FBXO22: variants seen among roughly 807,000 people sequenced by gnomAD.
FBXO22 encodes the protein F-box only protein 22.
A neutral mutation model predicts 37.2 loss-of-function variants in FBXO22; 13 were observed. The ratio of observed to expected loss-of-function variants is 0.35; its 90% CI spans 0.23 to 0.56. The LOEUF is 0.56. Among genes scored for constraint, FBXO22 ranks in the 20% least tolerant of loss-of-function variants. FBXO22 has a pLI of 0.87. For missense variants in FBXO22, 446 were observed against 509.9 expected, an observed-to-expected ratio of 0.87 and a Z score of 1.21; for synonymous variants, 189 against 189.1, an observed-to-expected ratio of 1.00 and a Z score of 0.00.
chr15:75,907,304 T>C (rs1364866468), intron 2 of FBXO22, among the ~76,000 whole-genome samples: 2 of 152,242 alleles, frequency 1.3e-5, no homozygotes, highest in Non-Finnish European at 2.9e-5. Flanking sequence ...TATAGAGTTG[T>C]TGTGAGGATT....
intron 2 of FBXO22, 47 bp from the exon 3 acceptor site, chr15:75,913,156 T>G (rs776811831): frequency 7.8e-7 from 1 of 1,289,092 alleles, no homozygotes; most frequent in Admixed American, 1.7e-5. Context: ...GCAGAAGCAC[T>G]GATGGATTCA....
chr15:75,913,702 A>G (rs1390731452), intron 3 of FBXO22, among the ~76,000 whole-genome samples: 2 of 152,220 alleles, frequency 1.3e-5, no homozygotes, highest in Non-Finnish European at 2.9e-5. Context: ...CAAGATGCGC[A>G]CACTCAGGTC....
Position 75,940,242 on chromosome 15 carries a change from C to T in FBXO22, c.*7140C>T, listed in dbSNP as rs1229010932. On this transcript the variant is annotated 3_prime_UTR_variant, in exon 7 of 7. Transcript: ENST00000308275. ...AAATTACAAGAACAGTCCCATTTAC[C>T]ATAGCGTCAAAAAGAATAAAATGCA... The T allele has an allele frequency of 1.3e-5, 2 of 152,102 alleles. No homozygotes were observed. The highest frequency in any genetic ancestry group is 4.8e-5 in the African/African-American group (2 of 41,532). The allele number at this position is 152,102 out of a possible 1,614,324, so 9.4% of individuals were successfully genotyped here. A position where few individuals can be genotyped will look rare whatever the true frequency, so the allele number is the denominator to read the frequency against.
chr15:75,939,642 T>C lies in FBXO22; in HGVS notation c.*6540T>C, dbSNP rs980859716. 4 of 152,140 alleles carry C rather than the reference T, an allele frequency of 2.6e-5. No individual in the cohort carries two copies. Among genetic ancestry groups the C allele is most frequent in the African/African-American group, 7.2e-5 (3 of 41,448 alleles). 9.4% of individuals were successfully genotyped at this position (152,140 alleles called of 1,614,324 possible). On this transcript the variant is annotated 3_prime_UTR_variant, in exon 7 of 7. Coordinates refer to ENST00000308275, the MANE Select transcript of FBXO22 (RefSeq NM_147188.3). ...TGATCGCTGATTCAACAATTGTCAA[T>C]ACTAGGAAACTGAATTTAGCAGCAT...
Position 75,935,796 on chromosome 15 carries a change from C to G in FBXO22, c.*2694C>G, listed in dbSNP as rs888552628. Reference sequence around the variant, plus strand: ...AAACTTTTACAAATCTGAGAACTTTCTTTTTTTTTGAGACGGAGTCCCGCT... The same window carrying G: ...AAACTTTTACAAATCTGAGAACTTTGTTTTTTTTTGAGACGGAGTCCCGCT... On this transcript the variant is annotated 3_prime_UTR_variant, in exon 7 of 7. Coordinates refer to ENST00000308275, the MANE Select transcript of FBXO22 (RefSeq NM_147188.3). 6.6e-6 allele frequency: 1 copy of G among 151,102 alleles called. No individual in the cohort carries two copies. Among genetic ancestry groups the G allele is most frequent in the Non-Finnish European group, 1.5e-5 (1 of 67,758 alleles). The allele number at this position is 151,102 out of a possible 1,614,324, so 9.4% of individuals were successfully genotyped here. A position where few individuals can be genotyped will look rare whatever the true frequency, so the allele number is the denominator to read the frequency against.
chr15:75,931,760 T>TA (rs2030026279), intron 6 of FBXO22, among the ~76,000 whole-genome samples: 1 of 152,138 alleles, frequency 6.6e-6, no homozygotes, highest in African/African-American at 2.4e-5. Context: ...TTTCATTTTT[T>TA]AAAAAAACCA....
At chr15:75,914,692 G>T (rs138944943) in intron 4 of FBXO22, among the ~76,000 whole-genome samples, 419 of 152,166 alleles carry the variant, frequency 2.8e-3, no homozygotes, top group African/African-American at 8.7e-3. Flanking sequence ...TATTATTTTT[G>T]ATTCTTTTCT....
intron 5 of FBXO22, among the ~76,000 whole-genome samples, chr15:75,927,702 T>C (rs539654921): frequency 6.6e-6 from 1 of 152,342 alleles, no homozygotes; most frequent in East Asian, 1.9e-4. Context: ...AATATTCTTT[T>C]TACTGTCCAA....
rs921208231 is a variant in FBXO22, at chr15:75,903,907, G to A, written c.-57G>A. 3.3e-5 allele frequency: 48 copies of A among 1,447,072 alleles called. No homozygotes were observed. The African/African-American group carries it at 5.3e-4, about 16-fold the overall frequency. 89.6% of individuals were successfully genotyped at this position (1,447,072 alleles called of 1,614,324 possible). A position where few individuals can be genotyped will look rare whatever the true frequency, so the allele number is the denominator to read the frequency against. ...CGCGCCGGCCGGGCAACCCTATGCTGGCGTAATCGGGTTCCTCCGAGCCGC... is the reference window on the plus strand; with the variant it reads ...CGCGCCGGCCGGGCAACCCTATGCTAGCGTAATCGGGTTCCTCCGAGCCGC... On this transcript the variant is annotated 5_prime_UTR_variant, in exon 1 of 7. Transcript: ENST00000308275.
In FBXO22 at chr15:75,937,831, G is replaced by A. The variant is rs1217920708; in HGVS notation, c.*4729G>A. On this transcript the variant is annotated 3_prime_UTR_variant, in exon 7 of 7. Coordinates refer to ENST00000308275, the MANE Select transcript of FBXO22 (RefSeq NM_147188.3). ...GTCACATGTTTGTTTTGCCTAACTG[G>A]TAGGGTGGGCACTGCTTACAAAAGC... is the stretch of plus-strand genomic sequence containing the variant. 1 of 152,218 alleles carries A rather than the reference G, an allele frequency of 6.6e-6. No individual in the cohort carries two copies. Among genetic ancestry groups the A allele is most frequent in the East Asian group, 1.9e-4 (1 of 5,198 alleles). 9.4% of individuals were successfully genotyped at this position (152,218 alleles called of 1,614,324 possible).
At chr15:75,914,536 G>T (rs1323453921) in intron 4 of FBXO22, among the ~76,000 whole-genome samples, 1 of 152,120 alleles carries the variant, frequency 6.6e-6, no homozygotes, top group Non-Finnish European at 1.5e-5. Context: ...GTGGGTAGGG[G>T]TGAGATGGGG....
intron 5 of FBXO22, among the ~76,000 whole-genome samples, chr15:75,921,145 T>C (rs1900314253): frequency 6.6e-6 from 1 of 152,122 alleles, no homozygotes; most frequent in Non-Finnish European, 1.5e-5. Context: ...CAATGGTAAG[T>C]ATTGGTGTAT....
chr15:75,932,593 C>T (rs1032712154), intron 6 of FBXO22, 92 bp from the exon 7 acceptor site: 2 of 1,245,082 alleles, frequency 1.6e-6, no homozygotes, highest in African/African-American at 1.5e-5. Context: ...CTAAAGGCAG[C>T]AGCCTCCCGT....
In FBXO22 at chr15:75,904,644, G is replaced by C; in HGVS notation, c.279+15G>C. The C allele has an allele frequency of 6.3e-7, 1 of 1,595,746 alleles. No individual in the cohort carries two copies. Among genetic ancestry groups the C allele is most frequent in the East Asian group, 2.3e-5 (1 of 44,364 alleles). On this transcript the variant is annotated intron_variant, in intron 2 of 6. Transcript: ENST00000308275. Reference sequence around the variant, plus strand: ...AGGAGCTTGAGGCAAGTAGCAAGGGGTGTCATGCACAGTCATTTGCAGGTT... The same window carrying C: ...AGGAGCTTGAGGCAAGTAGCAAGGGCTGTCATGCACAGTCATTTGCAGGTT...
rs142812746 is a variant in FBXO22, at chr15:75,941,960, A to AAAAAAAAAC, written c.*8859_*8860insAAAAAAACA. ...ACCACCAAAAAAAAAAAAAAAAAAA[A>AAAAAAAAAC]ATATGGCCTAGCTTTTTTTTTTTTT... On this transcript the variant is annotated 3_prime_UTR_variant, in exon 7 of 7. Coordinates refer to ENST00000308275, the MANE Select transcript of FBXO22 (RefSeq NM_147188.3). 16 of 93,764 alleles carry AAAAAAAAAC rather than the reference A, an allele frequency of 1.7e-4. No individual in the cohort carries two copies. The highest frequency in any genetic ancestry group is 2.3e-4 in the African/African-American group (6 of 25,806). The allele number at this position is 93,764 out of a possible 1,614,324, so 5.8% of individuals were successfully genotyped here. A position where few individuals can be genotyped will look rare whatever the true frequency, so the allele number is the denominator to read the frequency against.
intron 6 of FBXO22, among the ~76,000 whole-genome samples, chr15:75,932,202 C>A (rs974486861): frequency 1.3e-5 from 2 of 152,126 alleles, no homozygotes; most frequent in African/African-American, 2.4e-5. Context: ...TAACAGAGAA[C>A]CCTATCTCTA....
intron 1 of FBXO22, 183 bp from the exon 2 acceptor site, chr15:75,904,308 T>A: frequency 9.1e-7 from 1 of 1,095,470 alleles, no homozygotes; most frequent in Non-Finnish European, 1.3e-6. Flanking sequence ...AAGTTCCCCT[T>A]AAGGTTTTCT....
chr15:75,911,272 T>A (rs1900045724), intron 2 of FBXO22, among the ~76,000 whole-genome samples: 1 of 152,210 alleles, frequency 6.6e-6, no homozygotes, highest in Non-Finnish European at 1.5e-5. Flanking sequence ...CATATGAAAT[T>A]TAAAGTAGTT....
intron 2 of FBXO22, among the ~76,000 whole-genome samples, chr15:75,910,117 A>T (rs1370921992): frequency 6.6e-6 from 1 of 152,246 alleles, no homozygotes; most frequent in African/African-American, 2.4e-5. Flanking sequence ...CTATGGCTGC[A>T]TAGTGTTCCA....
Sources: gnomAD v4.1 joint callset for allele counts (sites outside exome capture counted in the v4.1 genomes callset) on GRCh38, gnomAD v4.1.1 for gene constraint, MANE v1.5 for transcripts, NCBI Gene and HGNC (gene_info 2026-07-23, HGNC 2026-07-21) for gene names.